SSBP2: variants seen among roughly 807,000 people sequenced by gnomAD.
SSBP2 encodes the protein single-stranded DNA-binding protein 2.
SSBP2 carries 17 observed loss-of-function variants against 61.8 expected under a neutral mutation model. The ratio of observed to expected loss-of-function variants is 0.28; its 90% CI spans 0.19 to 0.41. The LOEUF (loss-of-function observed/expected upper bound fraction) is 0.41. Ranked by LOEUF, SSBP2 falls within the 10% of genes least tolerant of loss-of-function variation. The probability of loss-of-function intolerance (pLI) is 1.00; values close to 1 mark genes in which losing one functional copy is unlikely to be tolerated. For missense variants in SSBP2, 310 were observed against 458.7 expected (o/e 0.68, Z 2.96); for synonymous variants, 139 against 141.3 (o/e 0.98, Z 0.12).
intron 1 of SSBP2, among the ~76,000 whole-genome samples, chr5:81,687,580 T>G (rs777635775): frequency 3.9e-5 from 6 of 152,124 alleles, no homozygotes; most frequent in African/African-American, 1.4e-4. Context: ...CTTAAAGCTA[T>G]AGGAGATACT....
intron 4 of SSBP2, among the ~76,000 whole-genome samples, chr5:81,586,853 G>C (rs1775094371): frequency 6.6e-6 from 1 of 151,634 alleles, no homozygotes; most frequent in Non-Finnish European, 1.5e-5. Flanking sequence ...TAAAATTCTG[G>C]TATATACTAG....
At chr5:81,751,130 C>T (rs1456164309), upstream of SSBP2, 1 of 1,380,144 alleles carries the variant, frequency 7.2e-7, no homozygotes, top group Middle Eastern at 1.8e-4. Flanking sequence ...TGGCGACCCA[C>T]GCAGCCACCC....
intron 4 of SSBP2, among the ~76,000 whole-genome samples, chr5:81,523,809 T>C (rs886873000): frequency 1.3e-5 from 2 of 152,004 alleles, no homozygotes; most frequent in African/African-American, 4.8e-5. Context: ...ACAAATAACA[T>C]TTAGCCAAAT....
At chr5:81,527,877 TA>T (rs1770076288) in intron 4 of SSBP2, among the ~76,000 whole-genome samples, 1 of 149,276 alleles carries the variant, frequency 6.7e-6, no homozygotes, top group Non-Finnish European at 1.5e-5. Context: ...GCGTTCTACG[TA>T]TGTATCCCAG....
intron 4 of SSBP2, among the ~76,000 whole-genome samples, chr5:81,529,542 G>T (rs183086033): frequency 2.5e-4 from 38 of 152,166 alleles, no homozygotes; most frequent in African/African-American, 8.2e-4. Flanking sequence ...GCATAGATAG[G>T]TCAGAACACA....
At chr5:81,496,357 T>G (rs1221372091) in intron 5 of SSBP2, among the ~76,000 whole-genome samples, 2 of 152,064 alleles carry the variant, frequency 1.3e-5, no homozygotes, top group Non-Finnish European at 2.9e-5. Context: ...TTTTTGTATT[T>G]TTAGTAGAGA....
chr5:81,723,986 C>A (rs760501083), intron 1 of SSBP2, among the ~76,000 whole-genome samples: 20 of 151,986 alleles, frequency 1.3e-4, no homozygotes, highest in Non-Finnish European at 2.9e-4. Flanking sequence ...CACTTCTAAC[C>A]AAAACACTTA....
At chr5:81,546,051 G>GC (rs1363426142) in intron 4 of SSBP2, among the ~76,000 whole-genome samples, 2 of 152,066 alleles carry the variant, frequency 1.3e-5, no homozygotes, top group Non-Finnish European at 2.9e-5. Context: ...GTTTTAAAGA[G>GC]AATGTTTAAG....
At chr5:81,457,666 T>A (rs978060038) in intron 10 of SSBP2, among the ~76,000 whole-genome samples, 10 of 146,410 alleles carry the variant, frequency 6.8e-5, no homozygotes, top group African/African-American at 1.0e-4. Context: ...AAACACAAAA[T>A]TTTTTTTTTT....
chr5:81,728,132 C>T (rs1021685714), intron 1 of SSBP2, among the ~76,000 whole-genome samples: 1 of 152,110 alleles, frequency 6.6e-6, no homozygotes, highest in African/African-American at 2.4e-5. Flanking sequence ...TCCTGTGAAC[C>T]ACCGTTAGTC....
intron 3 of SSBP2, among the ~76,000 whole-genome samples, chr5:81,634,269 C>T (rs1164378196): frequency 2.6e-5 from 4 of 152,204 alleles, no homozygotes; most frequent in African/African-American, 7.2e-5. Flanking sequence ...AGTTCTTTTC[C>T]ATTGATCCCA....
chr5:81,637,220 A>G (rs944788177), intron 2 of SSBP2, among the ~76,000 whole-genome samples: 1 of 152,230 alleles, frequency 6.6e-6, no homozygotes, highest in South Asian at 2.1e-4. Flanking sequence ...GAGCTCTTCA[A>G]GTAACAGCAG....
Position 81,655,496 on chromosome 5 carries a change from C to A in SSBP2, c.63-5157G>T, listed in dbSNP as rs557749108. Reference sequence around the variant, plus strand: ...ATCTTTAAATTATCTTCATTTCATTCTAATTTTAAACTGGATATCAGTGAC... The same window carrying A: ...ATCTTTAAATTATCTTCATTTCATTATAATTTTAAACTGGATATCAGTGAC... On this transcript the variant is annotated intron_variant, in intron 1 of 16. Transcript: ENST00000320672. Among the ~76,000 whole-genome samples, 113 of 152,042 alleles carry A rather than the reference C, an allele frequency of 7.4e-4. 1 individual carries two copies. Among genetic ancestry groups the A allele is most frequent in the African/African-American group, 2.7e-3 (111 of 41,512 alleles).
intron 4 of SSBP2, among the ~76,000 whole-genome samples, chr5:81,556,707 A>T (rs1772635264): frequency 6.6e-6 from 1 of 152,168 alleles, no homozygotes; most frequent in African/African-American, 2.4e-5. Context: ...CTTAAAAGAC[A>T]GCATGATATA....
intron 16 of SSBP2, among the ~76,000 whole-genome samples, chr5:81,426,538 A>T (rs1237384476): frequency 1.3e-5 from 2 of 152,184 alleles, no homozygotes; most frequent in Non-Finnish European, 2.9e-5. Flanking sequence ...GGTGAGCCAG[A>T]AGTTAGGGGT....
At chr5:81,529,223 T>C (rs1385080244) in intron 4 of SSBP2, among the ~76,000 whole-genome samples, 1 of 152,126 alleles carries the variant, frequency 6.6e-6, no homozygotes, top group Non-Finnish European at 1.5e-5. Flanking sequence ...AAAATCATCG[T>C]ATGATGGCCT....
chr5:81,661,741 T>C (rs1351911004), intron 1 of SSBP2, among the ~76,000 whole-genome samples: 1 of 152,202 alleles, frequency 6.6e-6, no homozygotes. Context: ...ATATTTTTGA[T>C]ATTAACCCCT....
intron 4 of SSBP2, among the ~76,000 whole-genome samples, chr5:81,534,737 A>G (rs928952279): frequency 3.3e-5 from 5 of 152,090 alleles, no homozygotes; most frequent in African/African-American, 1.2e-4. Flanking sequence ...AAGTGTAAAT[A>G]TGTGTAATGG....
intron 12 of SSBP2, among the ~76,000 whole-genome samples, chr5:81,446,644 GT>G (rs1414505348): frequency 6.6e-6 from 1 of 152,102 alleles, no homozygotes; most frequent in Non-Finnish European, 1.5e-5. Context: ...GATCAACAGT[GT>G]TCATCCTAAT....
Sources: allele counts gnomAD v4.1 joint callset (sites outside exome capture counted in the v4.1 genomes callset), GRCh38; gene constraint gnomAD v4.1.1; transcripts MANE v1.5; gene names NCBI Gene and HGNC (gene_info 2026-07-23, HGNC 2026-07-21).